The following DCC variants were observed in gnomAD, a reference collection of about 807,000 sequenced individuals.
DCC encodes the protein netrin receptor DCC.
A neutral mutation model predicts 172.5 loss-of-function variants in DCC; 58 were observed. That is an observed-to-expected ratio of 0.34 (90% CI 0.27 to 0.42). DCC has a LOEUF of 0.42. Among genes scored for constraint, DCC ranks in the 10% least tolerant of loss-of-function variants. The pLI is 1.00. For synonymous variants in DCC, 709 were observed against 644.5 expected (o/e 1.10, Z -1.52); for missense variants, 1,740 against 1,791.0 (o/e 0.97, Z 0.51).
At chr18:53,402,701 A>G (rs1313390857) in intron 18 of DCC, 85 bp from the exon 19 acceptor site, 19 of 978,420 alleles carry the variant, frequency 1.9e-5, no homozygotes, top group Non-Finnish European at 2.8e-5. Context: ...TAGATTCTGA[A>G]TGTCAACATC....
chr18:52,791,359 C>T (rs1327116283), intron 2 of DCC, among the ~76,000 whole-genome samples: 1 of 152,110 alleles, frequency 6.6e-6, no homozygotes, highest in Non-Finnish European at 1.5e-5. Context: ...AGATGATACC[C>T]ATCTAGAAAG....
intron 1 of DCC, among the ~76,000 whole-genome samples, chr18:52,365,811 C>T (rs953872795): frequency 2.0e-5 from 3 of 152,146 alleles, no homozygotes; most frequent in Non-Finnish European, 4.4e-5. Context: ...GGCAACTGCT[C>T]AACTTTGCCA....
At chr18:52,447,888 A>G (rs1988173410) in intron 1 of DCC, among the ~76,000 whole-genome samples, 1 of 152,102 alleles carries the variant, frequency 6.6e-6, no homozygotes, top group Non-Finnish European at 1.5e-5. Flanking sequence ...ATCCACCCCC[A>G]AGATCCAGTC....
chr18:52,508,852 G>A (rs1275743208), intron 1 of DCC, among the ~76,000 whole-genome samples: 1 of 152,158 alleles, frequency 6.6e-6, no homozygotes, highest in Non-Finnish European at 1.5e-5. Context: ...GCTATAAGAG[G>A]GAAGAAGATG....
At chr18:53,333,926 T>C (rs1346370172) in intron 14 of DCC, among the ~76,000 whole-genome samples, 1 of 152,210 alleles carries the variant, frequency 6.6e-6, no homozygotes, top group African/African-American at 2.4e-5. Flanking sequence ...GTTTGACTAA[T>C]AGGCATCTCA....
intron 1 of DCC, among the ~76,000 whole-genome samples, chr18:52,431,270 C>T (rs570757193): frequency 8.6e-5 from 13 of 151,174 alleles, no homozygotes; most frequent in African/African-American, 2.9e-4. Context: ...GCTCTAGTCC[C>T]GGAGGTAAAG....
At chr18:52,570,481 G>A (rs1216327613) in intron 1 of DCC, among the ~76,000 whole-genome samples, 2 of 152,146 alleles carry the variant, frequency 1.3e-5, no homozygotes, top group Non-Finnish European at 2.9e-5. Context: ...TGGTATTTGA[G>A]GGGGAAGATG....
intron 2 of DCC, among the ~76,000 whole-genome samples, chr18:52,811,625 A>C (rs1294610808): frequency 6.6e-6 from 1 of 152,216 alleles, no homozygotes; most frequent in Non-Finnish European, 1.5e-5. Context: ...GAAGTAAACA[A>C]TTTTAGTACT....
chr18:53,339,833 A>T lies in DCC; in HGVS notation c.2285A>T (p.Tyr762Phe), dbSNP rs200138608. Residue 762 changes from tyrosine to phenylalanine, a missense_variant, in exon 15 of 29, where the codon TAT becomes TTT. Around this residue, in one of 2 missense-constraint regions of DCC, gnomAD observed 1,732 missense variants for 1,767.4 expected, o/e 0.98. Coordinates refer to ENST00000442544, the MANE Select transcript of DCC (RefSeq NM_005215.4). Reference sequence around the variant, plus strand: ...GTGGTGCGAGGTTATATTATCGGTTATGGCGTTGGGAGCCCTTACGCTGAG... The same window carrying T: ...GTGGTGCGAGGTTATATTATCGGTTTTGGCGTTGGGAGCCCTTACGCTGAG... ...NIVVRGYIIG[Y>F]GVGSPYAETV... The T allele has an allele frequency of 6.8e-5, 109 of 1,613,878 alleles. No individual in the cohort carries two copies. The highest frequency in any genetic ancestry group is 1.3e-5 in the Non-Finnish European group (15 of 1,179,972).
chr18:52,677,042 C>A (rs967105486), intron 1 of DCC, among the ~76,000 whole-genome samples: 2 of 152,096 alleles, frequency 1.3e-5, no homozygotes, highest in African/African-American at 4.8e-5. Context: ...TTTAATGTAG[C>A]TCAAAGAGCT....
intron 7 of DCC, among the ~76,000 whole-genome samples, chr18:53,114,712 C>G (rs182194545): frequency 8.6e-5 from 13 of 151,668 alleles, no homozygotes; most frequent in African/African-American, 3.1e-4. Context: ...TGCTCCTACA[C>G]AGAATAACTG....
intron 7 of DCC, among the ~76,000 whole-genome samples, chr18:53,146,410 G>C (rs546383105): frequency 5.2e-4 from 79 of 152,310 alleles, no homozygotes; most frequent in Middle Eastern, 6.8e-3. Flanking sequence ...CAGGAAGTTG[G>C]TGTCCTCACA....
At chr18:53,309,793 T>G (rs1476286737) in intron 13 of DCC, among the ~76,000 whole-genome samples, 1 of 151,976 alleles carries the variant, frequency 6.6e-6, no homozygotes. Flanking sequence ...ATCCAAAATA[T>G]GTAGGCTTTA....
chr18:52,426,561 C>T (rs1201484061), intron 1 of DCC, among the ~76,000 whole-genome samples: 2 of 151,596 alleles, frequency 1.3e-5, no homozygotes, highest in Non-Finnish European at 2.9e-5. Context: ...TCAATAATCA[C>T]CCCAGCAACC....
At chr18:53,300,627 CAAAAA>C (rs1173268126) in intron 12 of DCC, among the ~76,000 whole-genome samples, 3 of 152,220 alleles carry the variant, frequency 2.0e-5, no homozygotes, top group African/African-American at 7.2e-5. Context: ...CATCAGTTGA[CAAAAA>C]TATTGTAACC....
intron 1 of DCC, among the ~76,000 whole-genome samples, chr18:52,608,659 G>A (rs1036662778): frequency 1.3e-5 from 2 of 152,198 alleles, no homozygotes; most frequent in Non-Finnish European, 2.9e-5. Context: ...AAGGCACTGA[G>A]TGCCAACTTA....
intron 27 of DCC, among the ~76,000 whole-genome samples, chr18:53,513,648 G>A (rs771116377): frequency 9.7e-4 from 147 of 151,918 alleles, no homozygotes; most frequent in Non-Finnish European, 1.9e-3. Context: ...AACAAAAAAA[G>A]GCAGGGGTTG....
chr18:53,271,286 G>A (rs921618779), intron 12 of DCC, among the ~76,000 whole-genome samples: 2 of 152,128 alleles, frequency 1.3e-5, no homozygotes, highest in Non-Finnish European at 2.9e-5. Flanking sequence ...ACTATGTAAT[G>A]AGTGGAGGAA....
At chr18:53,022,997 G>C (rs905762459) in intron 5 of DCC, among the ~76,000 whole-genome samples, 2 of 151,998 alleles carry the variant, frequency 1.3e-5, no homozygotes, top group African/African-American at 4.8e-5. Context: ...ATAGGTTAAC[G>C]CTATAAATCT....
Sources: allele counts gnomAD v4.1 joint callset (sites outside exome capture counted in the v4.1 genomes callset), GRCh38; gene constraint gnomAD v4.1.1; regional missense constraint gnomAD v4.1.1; transcripts MANE v1.5; gene names NCBI Gene and HGNC (gene_info 2026-07-23, HGNC 2026-07-21).